CLN5: variants seen among roughly 807,000 people sequenced by gnomAD.
CLN5 encodes CLN5 lysosomal BMP synthase.
CLN5 carries 34 observed loss-of-function variants against 36.7 expected under a neutral mutation model. The observed-to-expected ratio is 0.93, with a 90% CI of 0.71 to 1.23. The LOEUF is 1.23. Ranked by LOEUF, CLN5 falls within the 50% of genes most tolerant of loss-of-function variation. The pLI, the probability that CLN5 is intolerant of heterozygous loss-of-function variation, is 0.00. For synonymous variants in CLN5, 151 were observed against 155.1 expected (o/e 0.97, Z 0.20); for missense variants, 427 against 439.4 (o/e 0.97, Z 0.25).
intron 2 of CLN5, 40 bp from the exon 3 acceptor site, chr13:76,995,862 G>A: frequency 2.7e-6 from 4 of 1,494,718 alleles, no homozygotes; most frequent in Non-Finnish European, 3.7e-6. Context: ...ACCCATGGTT[G>A]TGTCACAGTT....
At position 77,004,184 on chromosome 13, in the gene CLN5, G is replaced by A. The variant is rs984339167; in HGVS notation, c.*3215G>A. The A allele has an allele frequency of 1.3e-5, 2 of 152,164 alleles. No individual in the cohort carries two copies. Among genetic ancestry groups the A allele is most frequent in the Non-Finnish European group, 2.9e-5 (2 of 68,014 alleles). 9.4% of individuals were successfully genotyped at this position (152,164 alleles called of 1,614,324 possible). A position where few individuals can be genotyped will look rare whatever the true frequency, so the allele number is the denominator to read the frequency against. On this transcript the variant is annotated 3_prime_UTR_variant, in exon 4 of 4. Coordinates refer to ENST00000377453, the MANE Select transcript of CLN5 (RefSeq NM_006493.4). ...GGAGAAAAAAATCAAGTCTTAGGAA[G>A]TCTTATCCAGTTTTATGGTCTGCTG...
rs912097935 is a variant in CLN5, at chr13:77,001,117, C to G, written c.*148C>G. 3.1e-6 allele frequency: 2 copies of G among 653,458 alleles called. No individual in the cohort carries two copies. Among genetic ancestry groups the G allele is most frequent in the Non-Finnish European group, 5.1e-6 (2 of 390,276 alleles). 40.5% of individuals were successfully genotyped at this position (653,458 alleles called of 1,614,324 possible). Reference sequence around the variant, plus strand: ...GCAGAATTGCTGCATATTAACATCTCAGGACTCTTCTCTTGTAAAGAAGCT... The same window carrying G: ...GCAGAATTGCTGCATATTAACATCTGAGGACTCTTCTCTTGTAAAGAAGCT... On this transcript the variant is annotated 3_prime_UTR_variant, in exon 4 of 4. Transcript: ENST00000377453.
intron 3 of CLN5, chr13:76,997,944 T>G (rs2154034930): frequency 6.6e-6 from 1 of 152,380 alleles, no homozygotes; most frequent in East Asian, 1.9e-4. Context: ...GCTACTAATA[T>G]AGACTGGTTC....
intron 2 of CLN5, 132 bp from the exon 3 acceptor site, chr13:76,995,770 C>A: frequency 1.3e-6 from 1 of 760,398 alleles, no homozygotes; most frequent in Non-Finnish European, 2.3e-6. Flanking sequence ...ATGACAGTAG[C>A]AGCATGGAAG....
chr13:76,999,424 A>T (rs1027700633), intron 3 of CLN5: 2 of 152,256 alleles, frequency 1.3e-5, no homozygotes, highest in Admixed American at 6.5e-5. Context: ...AGAGAGGGTT[A>T]GCCATCCTGG....
At position 77,003,401 on chromosome 13, in the gene CLN5, C is replaced by G. The variant is rs1352811542; in HGVS notation, c.*2432C>G. 1 of 152,186 alleles carries G rather than the reference C, an allele frequency of 6.6e-6. No homozygotes were observed. Among genetic ancestry groups the G allele is most frequent in the Non-Finnish European group, 1.5e-5 (1 of 68,034 alleles). The allele number at this position is 152,186 out of a possible 1,614,324, so 9.4% of individuals were successfully genotyped here. Reference sequence around the variant, plus strand: ...ATCATAAAGTCAGGTAACTACAGCACAGACAGCATTAACATTTACAAAAGT... The same window carrying G: ...ATCATAAAGTCAGGTAACTACAGCAGAGACAGCATTAACATTTACAAAAGT... On this transcript the variant is annotated 3_prime_UTR_variant, in exon 4 of 4. Coordinates refer to ENST00000377453, the MANE Select transcript of CLN5 (RefSeq NM_006493.4).
chr13:76,995,141 A>C lies in CLN5; in HGVS notation c.252A>C (p.Pro84=). 6.2e-7 allele frequency: 1 copy of C among 1,614,116 alleles called. No individual in the cohort carries two copies. The highest frequency in any genetic ancestry group is 1.3e-5 in the African/African-American group (1 of 75,046). The change falls in exon 2 of 4, where the codon CCA becomes CCC. Residue 84 remains proline, a synonymous_variant. Transcript: ENST00000377453. ...TCTGTCCAACTGGCTCACCTATCCC[A>C]GTTATGGAGGGTGATGATGACATTG... is the stretch of plus-strand genomic sequence containing the variant. ...YTFCPTGSPI[P]VMEGDDDIEV...
At chr13:76,992,337 G>A in intron 1 of CLN5, 66 bp downstream of exon 1, 1 of 1,406,126 alleles carries the variant, frequency 7.1e-7, no homozygotes, top group Non-Finnish European at 9.5e-7. Flanking sequence ...ATGGGGTGCT[G>A]GGGCGGGGAC....
At chr13:76,993,871 A>G (rs1471399936) in intron 1 of CLN5, 1 of 152,156 alleles carries the variant, frequency 6.6e-6, no homozygotes, top group Non-Finnish European at 1.5e-5. Flanking sequence ...GGGATCTAGG[A>G]TTCTTAGATA....
chr13:76,996,513 TTAGC>T, intron 3 of CLN5: 1 of 215,838 alleles, frequency 4.6e-6, no homozygotes, highest in Admixed American at 5.3e-5. Context: ...TCCTCATAGC[TTAGC>T]TCCCACTTAC....
intron 3 of CLN5, chr13:76,999,221 C>G (rs1203732134): frequency 2.6e-5 from 4 of 152,124 alleles, no homozygotes; most frequent in Non-Finnish European, 5.9e-5. Flanking sequence ...ATTCATTTTA[C>G]AGAACATGAA....
At position 76,996,921 on chromosome 13, in the gene CLN5, GAGA is replaced by G. The variant is rs1428687189; in HGVS notation, c.565+800_565+802del. On this transcript the variant is annotated intron_variant, in intron 3 of 3. Coordinates refer to ENST00000377453, the MANE Select transcript of CLN5 (RefSeq NM_006493.4). ...GTACTAATTTACATTCCTAGCAGCAGAGAAGAAGTGTTCCCTTTCCCCCACATC... is the reference window on the plus strand; with the variant it reads ...GTACTAATTTACATTCCTAGCAGCAGAGAAGTGTTCCCTTTCCCCCACATC... 11 of 152,180 alleles carry G rather than the reference GAGA, an allele frequency of 7.2e-5. 1 individual carries two copies. The highest frequency in any genetic ancestry group is 4.6e-4 in the Admixed American group (7 of 15,282). 9.4% of individuals were successfully genotyped at this position (152,180 alleles called of 1,614,324 possible).
chr13:76,992,602 T>C lies in CLN5; in HGVS notation c.173+331T>C, dbSNP rs1041444797. 39 of 447,608 alleles carry C rather than the reference T, an allele frequency of 8.7e-5. No individual in the cohort carries two copies. The East Asian group carries it at 1.1e-3, about 13-fold the overall frequency. 27.7% of individuals were successfully genotyped at this position (447,608 alleles called of 1,614,324 possible). A position where few individuals can be genotyped will look rare whatever the true frequency, so the allele number is the denominator to read the frequency against. Reference sequence around the variant, plus strand: ...TACAAGTAGCTGATTTCTTGAGTAGTTTAAAAACACTGTCTATCGCATTTA... The same window carrying C: ...TACAAGTAGCTGATTTCTTGAGTAGCTTAAAAACACTGTCTATCGCATTTA... On this transcript the variant is annotated intron_variant, in intron 1 of 3. Coordinates refer to ENST00000377453, the MANE Select transcript of CLN5 (RefSeq NM_006493.4).
rs2034424021 is a variant in CLN5 at position 77,004,880 on chromosome 13, T to C, written c.*3911T>C. On this transcript the variant is annotated 3_prime_UTR_variant, in exon 4 of 4. Coordinates refer to ENST00000377453, the MANE Select transcript of CLN5 (RefSeq NM_006493.4). The stretch of plus-strand genomic sequence containing the variant: ...AGTAAAACAATGAAAATAATTTCAA[T>C]AGTTGAAAAACTATTCTAATTTATA... The C allele has an allele frequency of 1.3e-5, 2 of 152,184 alleles. No homozygotes were observed. The highest frequency in any genetic ancestry group is 1.3e-4 in the Admixed American group (2 of 15,276). The allele number at this position is 152,184 out of a possible 1,614,324, so 9.4% of individuals were successfully genotyped here.
chr13:76,997,459 T>C (rs1293463207), intron 3 of CLN5: 6 of 152,220 alleles, frequency 3.9e-5, no homozygotes, highest in Non-Finnish European at 8.8e-5. Flanking sequence ...AACCCACTTT[T>C]TGATGGGATT....
Position 76,992,100 on chromosome 13 carries a change from T to TGGCGCAGGAGGTAGACACGGCACAG in CLN5, c.8_32dup (p.Glu12_?11). On this transcript the variant is annotated frameshift_variant and start_lost, in exon 1 of 4. Transcript: ENST00000377453. LOFTEE classifies it high-confidence loss of function. ...TCCGGAAGTACTGGGTGCAGCCTGATGGCGCAGGAGGTAGACACGGCACAG... is the reference window on the plus strand; with the variant it reads ...TCCGGAAGTACTGGGTGCAGCCTGATGGCGCAGGAGGTAGACACGGCACAGGGCGCAGGAGGTAGACACGGCACAG... 6.2e-7 allele frequency: 1 copy of TGGCGCAGGAGGTAGACACGGCACAG among 1,611,728 alleles called. No homozygotes were observed. Among genetic ancestry groups the TGGCGCAGGAGGTAGACACGGCACAG allele is most frequent in the Non-Finnish European group, 8.5e-7 (1 of 1,179,390 alleles).
intron 3 of CLN5, chr13:76,998,050 A>C (rs2034297627): frequency 6.6e-6 from 1 of 152,480 alleles, no homozygotes; most frequent in African/African-American, 2.4e-5. Flanking sequence ...CAGATGGAGA[A>C]ACTGAGGCAC....
chr13:76,992,342 G>A, intron 1 of CLN5, 71 bp downstream of exon 1: 3 of 1,411,000 alleles, frequency 2.1e-6, no homozygotes, highest in Non-Finnish European at 2.8e-6. Context: ...GTGCTGGGGC[G>A]GGGACCCCTG....
At chr13:76,997,197 A>C (rs1199905604) in intron 3 of CLN5, 3 of 150,974 alleles carry the variant, frequency 2.0e-5, no homozygotes, top group Non-Finnish European at 4.4e-5. Context: ...CTCAGGCTGG[A>C]GTGCAATGAC....
Sources: gnomAD v4.1 joint callset for allele counts on GRCh38, gnomAD v4.1.1 for gene constraint, MANE v1.5 for transcripts, NCBI Gene and HGNC (gene_info 2026-07-23, HGNC 2026-07-21) for gene names.